Variants in CPO observed in about 807,000 individuals in gnomAD.
CPO encodes the protein metallocarboxypeptidase C.
A neutral mutation model predicts 41.2 loss-of-function variants in CPO; 43 were observed. The observed-to-expected ratio is 1.04, with a 90% CI of 0.82 to 1.35. The LOEUF is 1.35. CPO is among the 40% of genes most tolerant of loss of function. CPO has a pLI of 0.00. For synonymous variants in CPO, 178 were observed against 162.7 expected (o/e 1.09, Z -0.72); for missense variants, 408 against 451.7 (o/e 0.90, Z 0.88).
chr2:206,965,239 A>T (rs2105829426), intron 7 of CPO, among the ~76,000 whole-genome samples: 1 of 152,308 alleles, frequency 6.6e-6, no homozygotes, highest in South Asian at 2.1e-4. Context: ...CGATAAAAAG[A>T]CTGTGAATAT....
Position 206,969,399 on chromosome 2 carries a change from T to C in CPO, c.1088T>C (p.Leu363Pro). 6.2e-7 allele frequency: 1 copy of C among 1,614,120 alleles called. No homozygotes were observed. Among genetic ancestry groups the C allele is most frequent in the South Asian group, 1.1e-5 (1 of 91,080 alleles). ...GGAAGGGTGACATCTGCCACTATGC[T>C]GCTGGGCCTGCTGGTGTCCTGCATG... ...SAGRVTSATMLLGLLVSCMSL... is the reference protein window; with the variant it reads ...SAGRVTSATMPLGLLVSCMSL... Residue 363 changes from leucine (L) to proline (P), a missense_variant, in exon 9 of 9, where the codon CTG (leucine) becomes CCG (proline). Coordinates refer to ENST00000272852, the MANE Select transcript of CPO (RefSeq NM_173077.3).
intron 3 of CPO, among the ~76,000 whole-genome samples, chr2:206,956,633 C>T (rs1294585014): frequency 1.3e-5 from 2 of 152,200 alleles, no homozygotes; most frequent in African/African-American, 4.8e-5. Flanking sequence ...AGCGATACCA[C>T]AGTGCATTTC....
rs751328465 is a variant in CPO at position 206,969,453 on chromosome 2, C to A, written c.*17C>A. The stretch of plus-strand genomic sequence containing the variant: ...CTTCTCTAAGTGCATTCTGCCCAGG[C>A]CTGCTCAACCCCAGTGGCATGAGTG... On this transcript the variant is annotated 3_prime_UTR_variant, in exon 9 of 9. Transcript: ENST00000272852. 7.4e-6 allele frequency: 12 copies of A among 1,612,008 alleles called. No homozygotes were observed. The highest frequency in any genetic ancestry group is 1.3e-5 in the African/African-American group (1 of 74,888).
In CPO at chr2:206,969,275, C is replaced by A; in HGVS notation, c.964C>A (p.Pro322Thr). The A allele has an allele frequency of 6.2e-7, 1 of 1,614,090 alleles. No homozygotes were observed. The highest frequency in any genetic ancestry group is 8.5e-7 in the Non-Finnish European group (1 of 1,180,008). ...CAGTGGAACATATGGGTTTGTTCTG[C>A]CAGAAGCTCAGATCCAGCCCACCTG... ...RDSGTYGFVL[P>T]EAQIQPTCEE... The change falls in exon 9 of 9, where the codon CCA becomes ACA. Residue 322 changes from proline (P) to threonine (T), a missense_variant. Physicochemically the swap from Pro to Thr is conservative, Grantham distance 38. Transcript: ENST00000272852.
intron 3 of CPO, among the ~76,000 whole-genome samples, chr2:206,957,003 A>G (rs1243971743): frequency 6.6e-6 from 1 of 152,236 alleles, no homozygotes; most frequent in Non-Finnish European, 1.5e-5. Context: ...AGAATAGAAC[A>G]TAATAAAGAG....
chr2:206,949,270 A>G (rs1350645432), intron 1 of CPO, among the ~76,000 whole-genome samples: 1 of 152,238 alleles, frequency 6.6e-6, no homozygotes, highest in Non-Finnish European at 1.5e-5. Flanking sequence ...TAAATTGCTT[A>G]GAACAGTGCA....
At chr2:206,951,786 G>T (rs970573317) in intron 2 of CPO, among the ~76,000 whole-genome samples, 19 of 152,258 alleles carry the variant, frequency 1.2e-4, no homozygotes, top group African/African-American at 4.6e-4. Flanking sequence ...CTATCTTGTA[G>T]CATTGTTGTG....
chr2:206,943,244 G>A (rs933982654), intron 1 of CPO, among the ~76,000 whole-genome samples: 4 of 152,104 alleles, frequency 2.6e-5, no homozygotes, highest in Admixed American at 2.6e-4. Flanking sequence ...AGGAAGAACA[G>A]CCAGCTTCCT....
intron 1 of CPO, among the ~76,000 whole-genome samples, chr2:206,947,182 G>A (rs1693160697): frequency 6.6e-6 from 1 of 152,048 alleles, no homozygotes; most frequent in Non-Finnish European, 1.5e-5. Context: ...TTAATATAAA[G>A]CTACAGTAAT....
At chr2:206,955,586 T>TC in intron 3 of CPO, 22 bp downstream of exon 3, 2 of 1,215,266 alleles carry the variant, frequency 1.6e-6, no homozygotes, top group East Asian at 2.3e-5. Flanking sequence ...GGCTGAGAAT[T>TC]ACCTTACCAG....
intron 1 of CPO, among the ~76,000 whole-genome samples, chr2:206,943,681 T>C (rs1311225844): frequency 2.1e-5 from 2 of 96,036 alleles, no homozygotes; most frequent in South Asian, 4.2e-4. Flanking sequence ...AGATGATAGA[T>C]AGATAGATAG....
At position 206,940,739 on chromosome 2, in the gene CPO, T is replaced by C. The variant is rs562801731; in HGVS notation, c.68+1072T>C. ...TCTCATGAAGTATATGTGGTTATAA[T>C]TGGTATTTCCTCTTTTGCTTCATGG... is the stretch of plus-strand genomic sequence containing the variant. On this transcript the variant is annotated intron_variant, in intron 1 of 8. Transcript: ENST00000272852. Among the ~76,000 whole-genome samples the C allele has an allele frequency of 7.9e-5, 12 of 152,188 alleles. No individual in the cohort carries two copies. In the South Asian group the frequency reaches 8.3e-4, roughly 11 times the overall value.
chr2:206,965,593 T>C (rs1053859127), intron 7 of CPO, among the ~76,000 whole-genome samples: 1 of 152,130 alleles, frequency 6.6e-6, no homozygotes, highest in Non-Finnish European at 1.5e-5. Context: ...ATTCTTTCCA[T>C]TTGAACTCTC....
At chr2:206,955,034 C>A (rs963622285) in intron 2 of CPO, among the ~76,000 whole-genome samples, 1 of 152,114 alleles carries the variant, frequency 6.6e-6, no homozygotes, top group Non-Finnish European at 1.5e-5. Flanking sequence ...CCAGCCAAAC[C>A]ATATCACATG....
chr2:206,961,077 A>C (rs1693470151), intron 6 of CPO, 135 bp downstream of exon 6: 2 of 668,896 alleles, frequency 3.0e-6, no homozygotes, highest in Admixed American at 2.4e-5. Context: ...AATGAGTTTT[A>C]TTCCCTCTAA....
Position 206,959,736 on chromosome 2 carries a change from A to G in CPO, c.478A>G (p.Thr160Ala). The G allele has an allele frequency of 7.0e-7, 1 of 1,420,442 alleles. No individual in the cohort carries two copies. The allele number at this position is 1,420,442 out of a possible 1,614,324, so 88.0% of individuals were successfully genotyped here. A position where few individuals can be genotyped will look rare whatever the true frequency, so the allele number is the denominator to read the frequency against. ...CATAGATGGTTATATCTACACTTGG[A>G]CAACTGTGAGTACACCATGTTTGGT... ...LNIDGYIYTW[T>A]TDRLWRKSRS... Residue 160 changes from threonine to alanine, a missense_variant, in exon 5 of 9, where the codon ACA becomes GCA. Thr to Ala is a moderately conservative substitution (Grantham distance 58). Coordinates refer to ENST00000272852, the MANE Select transcript of CPO (RefSeq NM_173077.3).
chr2:206,958,402 A>G lies in CPO; in HGVS notation c.369A>G (p.Lys123=). The part of the protein sequence containing the change: ...IAPAFCQWFV[K]EILQNHKDNS... ...CTGCTTTTTGCCAATGGTTCGTCAAAGAAGTAAGTGTCTTTAGCTTTCTCA... is the reference window on the plus strand; with the variant it reads ...CTGCTTTTTGCCAATGGTTCGTCAAGGAAGTAAGTGTCTTTAGCTTTCTCA... Residue 123 remains lysine (K), a synonymous_variant, in exon 4 of 9, where the codon AAA becomes AAG. Coordinates refer to ENST00000272852, the MANE Select transcript of CPO (RefSeq NM_173077.3). 6.4e-7 allele frequency: 1 copy of G among 1,559,320 alleles called. No individual in the cohort carries two copies. Among genetic ancestry groups the G allele is most frequent in the African/African-American group, 1.4e-5 (1 of 73,670 alleles).
chr2:206,964,473 C>G (rs1693536441), intron 7 of CPO, among the ~76,000 whole-genome samples: 1 of 152,154 alleles, frequency 6.6e-6, no homozygotes, highest in Non-Finnish European at 1.5e-5. Flanking sequence ...CATCAGAACT[C>G]TATAAATAGG....
In CPO at chr2:206,946,315, G is replaced by A. The variant is rs1574346536; in HGVS notation, c.69-3302G>A. On this transcript the variant is annotated intron_variant, in intron 1 of 8. Coordinates refer to ENST00000272852, the MANE Select transcript of CPO (RefSeq NM_173077.3). ...GTGGAATTTGTCCCAGGTATGCAAA[G>A]CTGGTTCAACGTTCAAAAATCAATT... 1.3e-5 allele frequency among the ~76,000 whole-genome samples: 2 copies of A among 152,312 alleles called. 1 individual carries two copies. The highest frequency in any genetic ancestry group is 4.8e-5 in the African/African-American group (2 of 41,576).
Sources: allele counts gnomAD v4.1 joint callset (sites outside exome capture counted in the v4.1 genomes callset), GRCh38; gene constraint gnomAD v4.1.1; transcripts MANE v1.5; gene names NCBI Gene and HGNC (gene_info 2026-07-23, HGNC 2026-07-21).